The following COL4A1 variants were observed in gnomAD, a reference collection of about 807,000 sequenced individuals.
COL4A1 encodes the protein collagen alpha-1(IV) chain.
A neutral mutation model predicts 216.6 loss-of-function variants in COL4A1; 40 were observed. The ratio of observed to expected loss-of-function variants is 0.18; its 90% CI spans 0.14 to 0.24. The LOEUF is 0.24. Ranked by LOEUF, COL4A1 falls within the 10% of genes least tolerant of loss-of-function variation. The probability of loss-of-function intolerance (pLI) is 1.00; values close to 1 mark genes in which losing one functional copy is unlikely to be tolerated. For missense variants in COL4A1, 1,628 were observed against 2,196.8 expected, an observed-to-expected ratio of 0.74 and a Z score of 5.18; for synonymous variants, 839 against 810.7, an observed-to-expected ratio of 1.03 and a Z score of -0.59.
chr13:110,293,122 C>G (rs1282051136), intron 1 of COL4A1, among the ~76,000 whole-genome samples: 2 of 152,208 alleles, frequency 1.3e-5, no homozygotes, highest in African/African-American at 2.4e-5. Context: ...TGCAGGAACA[C>G]TTAGTCTACT....
intron 6 of COL4A1, 110 bp from the exon 7 acceptor site, chr13:110,212,032 T>C: frequency 8.4e-7 from 1 of 1,188,728 alleles, no homozygotes; most frequent in East Asian, 2.3e-5. Context: ...TTAAAATCAT[T>C]TCCTAAAAAC....
At chr13:110,247,919 A>G (rs1417834856) in intron 1 of COL4A1, among the ~76,000 whole-genome samples, 1 of 151,744 alleles carries the variant, frequency 6.6e-6, no homozygotes, top group Admixed American at 6.6e-5. Context: ...TGATGAAGGC[A>G]TATTTGGAAT....
chr13:110,241,494 A>G (rs56152426), intron 2 of COL4A1, among the ~76,000 whole-genome samples: 18,472 of 152,262 alleles, frequency 0.12, 1,345 homozygotes, highest in Non-Finnish European at 0.17. Flanking sequence ...GGTTTTTAAC[A>G]AAATGTCTGT....
intron 20 of COL4A1, among the ~76,000 whole-genome samples, chr13:110,200,609 T>A (rs1393932492): frequency 1.3e-5 from 2 of 152,058 alleles, no homozygotes; most frequent in African/African-American, 4.8e-5. Flanking sequence ...GCAGAATAGA[T>A]CTGGATCCCC....
intron 2 of COL4A1, among the ~76,000 whole-genome samples, chr13:110,220,613 G>A (rs1039702369): frequency 6.6e-6 from 1 of 152,156 alleles, no homozygotes. Flanking sequence ...TTCGGGACTT[G>A]TCCTGCCTCT....
At chr13:110,210,520 TCTGGTTGAAAGACTA>T (rs1002111487) in intron 8 of COL4A1, among the ~76,000 whole-genome samples, 14 of 152,190 alleles carry the variant, frequency 9.2e-5, no homozygotes, top group Admixed American at 9.2e-4. Context: ...GGCCCTTGTC[TCTGGTTGAAAGACTA>T]CTGCGTGACC....
chr13:110,219,870 G>GTATATATATGGGTGTA (rs112601949), intron 2 of COL4A1, among the ~76,000 whole-genome samples: 1 of 103,510 alleles, frequency 9.7e-6, no homozygotes, highest in Non-Finnish European at 2.0e-5. Context: ...ATATGTGTGT[G>GTATATATATGGGTGTA]TATATATGTA....
chr13:110,161,514 A>G (rs1877085770), intron 48 of COL4A1, 145 bp from the exon 49 acceptor site: 1 of 1,047,832 alleles, frequency 9.5e-7, no homozygotes, highest in Non-Finnish European at 1.4e-6. Flanking sequence ...ATTATGTAGG[A>G]CATTTTTGAT....
intron 36 of COL4A1, 75 bp from the exon 37 acceptor site, chr13:110,175,432 A>G: frequency 6.3e-7 from 1 of 1,590,062 alleles, no homozygotes. Context: ...GTGCCTCCAC[A>G]GCCAGCCAAG....
intron 46 of COL4A1, 42 bp from the exon 47 acceptor site, chr13:110,163,603 A>G: frequency 3.3e-6 from 5 of 1,530,612 alleles, no homozygotes; most frequent in Non-Finnish European, 4.5e-6. Context: ...GTATGGCAGT[A>G]AGCTGTATCT....
intron 1 of COL4A1, 98 bp downstream of exon 1, chr13:110,306,846 G>A (rs1884748735): frequency 6.0e-6 from 7 of 1,175,854 alleles, no homozygotes; most frequent in Non-Finnish European, 5.6e-6. Flanking sequence ...CGCGACCCCC[G>A]AGGGGCAGGC....
chr13:110,216,449 G>T (rs1023176064), intron 2 of COL4A1, among the ~76,000 whole-genome samples: 2 of 152,136 alleles, frequency 1.3e-5, no homozygotes, highest in African/African-American at 4.8e-5. Context: ...GACTTGTGTA[G>T]CCCCAAGTAA....
At chr13:110,276,455 G>A (rs930213360) in intron 1 of COL4A1, among the ~76,000 whole-genome samples, 1 of 152,058 alleles carries the variant, frequency 6.6e-6, no homozygotes, top group Admixed American at 6.6e-5. Flanking sequence ...TCGTTGTACC[G>A]CCAAATCCAT....
chr13:110,158,354 G>T (rs77440704), intron 49 of COL4A1, among the ~76,000 whole-genome samples: 2,468 of 152,312 alleles, frequency 0.016, 61 homozygotes, highest in African/African-American at 0.056. Flanking sequence ...ACGTGGCATA[G>T]CTCTCTCACT....
chr13:110,206,903 C>A lies in COL4A1; in HGVS notation c.781-12G>T, dbSNP rs202198648. 6.2e-7 allele frequency: 1 copy of A among 1,613,260 alleles called. No individual in the cohort carries two copies. The highest frequency in any genetic ancestry group is 1.7e-5 in the Admixed American group (1 of 59,946). On this transcript the variant is annotated splice_polypyrimidine_tract_variant and intron_variant, in intron 13 of 51. Coordinates refer to ENST00000375820, the MANE Select transcript of COL4A1 (RefSeq NM_001845.6). ...TCACCTTTTTGGCCCTGAAAGAATTCGAGAGACAGATCAGCACTATCAAAC... is the reference window on the plus strand; with the variant it reads ...TCACCTTTTTGGCCCTGAAAGAATTAGAGAGACAGATCAGCACTATCAAAC...
intron 8 of COL4A1, 67 bp from the exon 9 acceptor site, chr13:110,210,279 C>G (rs1374565871): frequency 6.7e-7 from 1 of 1,481,514 alleles, no homozygotes; most frequent in Non-Finnish European, 9.4e-7. Flanking sequence ...GCTGAAAACT[C>G]TTTGATAGTT....
intron 1 of COL4A1, among the ~76,000 whole-genome samples, chr13:110,246,144 TA>T (rs35110605): frequency 0.2 from 28,818 of 144,172 alleles, 2,957 homozygotes; most frequent in African/African-American, 0.23. Context: ...ATGGTTTTGT[TA>T]AAAAAAAAAA....
Position 110,192,280 on chromosome 13 carries a change from G to A in COL4A1, c.1470C>T (p.Phe490=), listed in dbSNP as rs749215704. The A allele has an allele frequency of 1.9e-5, 31 of 1,614,020 alleles. No individual in the cohort carries two copies. In the East Asian group the frequency reaches 4.9e-4, roughly 26 times the overall value. The change falls in exon 24 of 52, where the codon TTC becomes TTT. Residue 490 remains phenylalanine, a synonymous_variant. Coordinates refer to ENST00000375820, the MANE Select transcript of COL4A1 (RefSeq NM_001845.6). ...GPQGPPGEIG[F]PGQPGAKGDR... is the part of the protein sequence containing the mutation. ...CGCCCTTGGCCCCTGGCTGCCCTGGGAAACCTTTCGTGAGAGAGAGGGAAA... is the reference window on the plus strand; with the variant it reads ...CGCCCTTGGCCCCTGGCTGCCCTGGAAAACCTTTCGTGAGAGAGAGGGAAA...
chr13:110,230,329 C>T (rs543660184), intron 2 of COL4A1, among the ~76,000 whole-genome samples: 13 of 151,972 alleles, frequency 8.6e-5, no homozygotes, highest in African/African-American at 3.1e-4. Context: ...TATGTGCATG[C>T]ACGTGATGTG....
Sources: gnomAD v4.1 joint callset for allele counts (sites outside exome capture counted in the v4.1 genomes callset) on GRCh38, gnomAD v4.1.1 for gene constraint, MANE v1.5 for transcripts, NCBI Gene and HGNC (gene_info 2026-07-23, HGNC 2026-07-21) for gene names.